The following PRDM16 variants were observed in gnomAD, a reference collection of about 807,000 sequenced individuals.
PRDM16 encodes the protein PR/SET domain 16, also known as histone-lysine N-methyltransferase PRDM16.
In PRDM16, 23 loss-of-function variants were observed where a neutral mutation model predicts 110.6. That is an observed-to-expected ratio of 0.21 (90% confidence interval 0.15 to 0.29). The LOEUF is 0.29. Among genes scored for constraint, PRDM16 ranks in the 10% least tolerant of loss-of-function variants. The pLI, the probability that PRDM16 is intolerant of heterozygous loss-of-function variation, is 1.00. For synonymous variants in PRDM16, 799 were observed against 781.8 expected (o/e 1.02, Z -0.37); for missense variants, 1,615 against 1,794.3 (o/e 0.90, Z 1.81).
At chr1:3,218,120 G>A (rs937341102) in intron 2 of PRDM16, among the ~76,000 whole-genome samples, 3 of 152,228 alleles carry the variant, frequency 2.0e-5, no homozygotes, top group African/African-American at 4.8e-5. Flanking sequence ...AAGAAGAGTC[G>A]CCTGCACTTA....
intron 1 of PRDM16, among the ~76,000 whole-genome samples, chr1:3,185,888 T>C (rs1278984800): frequency 6.6e-6 from 1 of 152,218 alleles, no homozygotes; most frequent in Non-Finnish European, 1.5e-5. Flanking sequence ...ATCAGAAATG[T>C]TGGCCCCAAA....
intron 1 of PRDM16, among the ~76,000 whole-genome samples, chr1:3,119,756 C>T (rs77093975): frequency 0.029 from 4,422 of 152,284 alleles, 106 homozygotes; most frequent in Non-Finnish European, 0.046. Flanking sequence ...TTTTTCTTCA[C>T]GTAAGCGGTG....
intron 2 of PRDM16, among the ~76,000 whole-genome samples, chr1:3,216,779 C>T (rs1004339031): frequency 2.6e-5 from 4 of 152,302 alleles, no homozygotes; most frequent in Admixed American, 6.5e-5. Context: ...TTGCAGAGGG[C>T]GGGGCTGTGG....
chr1:3,267,999 G>A (rs1007434159), intron 3 of PRDM16, among the ~76,000 whole-genome samples: 4 of 152,234 alleles, frequency 2.6e-5, no homozygotes, highest in African/African-American at 7.2e-5. Flanking sequence ...CAAGCAACGC[G>A]GGTGCAAAAC....
chr1:3,349,957 T>C (rs909378989), intron 3 of PRDM16, among the ~76,000 whole-genome samples: 8 of 140,972 alleles, frequency 5.7e-5, no homozygotes, highest in Non-Finnish European at 1.1e-4. Context: ...GCCTCTTCTG[T>C]GCCTAGCGGG....
chr1:3,407,448 G>A (rs55726144), intron 8 of PRDM16, among the ~76,000 whole-genome samples: 13,589 of 152,182 alleles, frequency 0.089, 705 homozygotes, highest in Non-Finnish European at 0.12. Flanking sequence ...GCCCGGCTCC[G>A]GCACCCCGAT....
chr1:3,121,528 C>T (rs751560505), intron 1 of PRDM16, among the ~76,000 whole-genome samples: 4 of 152,250 alleles, frequency 2.6e-5, no homozygotes, highest in South Asian at 2.1e-4. Flanking sequence ...CTCCGAACGT[C>T]GCCTGCCTCC....
At chr1:3,150,278 G>A (rs539972422) in intron 1 of PRDM16, among the ~76,000 whole-genome samples, 17 of 152,204 alleles carry the variant, frequency 1.1e-4, no homozygotes, top group Admixed American at 2.6e-4. Context: ...GTTTGGGGCC[G>A]GGCATAGTGG....
At chr1:3,225,401 T>C (rs1208513859) in intron 2 of PRDM16, among the ~76,000 whole-genome samples, 2 of 152,174 alleles carry the variant, frequency 1.3e-5, no homozygotes, top group East Asian at 1.9e-4. Context: ...CTACCTTTAG[T>C]GCGTGCCTGT....
At chr1:3,404,710 C>A (rs566975491) in intron 6 of PRDM16, 29 bp from the exon 7 acceptor site, 1 of 1,610,856 alleles carries the variant, frequency 6.2e-7, no homozygotes, top group African/African-American at 1.3e-5. Context: ...GGTAGTCGGG[C>A]CCCGCAGTGA....
At chr1:3,217,699 G>A (rs959884761) in intron 2 of PRDM16, among the ~76,000 whole-genome samples, 9 of 152,232 alleles carry the variant, frequency 5.9e-5, no homozygotes, top group Non-Finnish European at 1.3e-4. Flanking sequence ...CCAGGTCCCC[G>A]TGCCGTGCAT....
rs564688290 is a variant in PRDM16 at position 3,393,840 on chromosome 1, G to C, written c.574-2651G>C. Among the ~76,000 whole-genome samples, 3 of 152,186 alleles carry C rather than the reference G, an allele frequency of 2.0e-5. No individual in the cohort carries two copies. In the South Asian group the frequency reaches 6.2e-4, roughly 31 times the overall value. ...CCCCCGAAGCAGTTGGAGGCAGGTC[G>C]GGGACCCCCGCCCCCGCCCCGCCCC... On this transcript the variant is annotated intron_variant, in intron 4 of 16. Coordinates refer to ENST00000270722, the MANE Select transcript of PRDM16 (RefSeq NM_022114.4).
intron 3 of PRDM16, among the ~76,000 whole-genome samples, chr1:3,297,528 C>T (rs1570016940): frequency 6.6e-6 from 1 of 152,090 alleles, no homozygotes; most frequent in Non-Finnish European, 1.5e-5. Context: ...AGGTGATCCA[C>T]CCACCTCAGT....
intron 3 of PRDM16, among the ~76,000 whole-genome samples, chr1:3,258,851 T>G (rs927056574): frequency 3.3e-5 from 5 of 152,242 alleles, no homozygotes; most frequent in African/African-American, 1.2e-4. Flanking sequence ...GCCAGGGCTT[T>G]CTTCTTGCCT....
intron 3 of PRDM16, among the ~76,000 whole-genome samples, chr1:3,329,734 G>A (rs572233341): frequency 5.3e-5 from 8 of 152,352 alleles, no homozygotes; most frequent in East Asian, 1.9e-4. Flanking sequence ...ACATTCACAG[G>A]AGAGTGGGCA....
At position 3,290,086 on chromosome 1, in the gene PRDM16, GT is replaced by G. The variant is rs1289337580; in HGVS notation, c.438+45954del. ...AAAAGTGTGCTCGTGAGCGCAGGGTGTTTTTCCTGAATGAAAACTCACAGAG... is the reference window on the plus strand; with the variant it reads ...AAAAGTGTGCTCGTGAGCGCAGGGTGTTTTCCTGAATGAAAACTCACAGAG... On this transcript the variant is annotated intron_variant, in intron 3 of 16. Transcript: ENST00000270722. The surrounding 1 kb of genome is among the most constrained non-coding windows in gnomAD (Gnocchi z 4.8). Among the ~76,000 whole-genome samples the G allele has an allele frequency of 3.9e-5, 6 of 152,328 alleles. No homozygotes were observed. The East Asian group carries it at 1.2e-3, about 29-fold the overall frequency.
At position 3,081,490 on chromosome 1, in the gene PRDM16, G is replaced by A. The variant is rs1642028042; in HGVS notation, c.37+12194G>A. On this transcript the variant is annotated intron_variant, in intron 1 of 16. Coordinates refer to ENST00000270722, the MANE Select transcript of PRDM16 (RefSeq NM_022114.4). This position sits in a 1 kb window ranked among gnomAD's most constrained non-coding sequence, Gnocchi z 4.6. Reference sequence around the variant, plus strand: ...TGGCCGTGTGAGGAGCAGGGCTGAGGTGGGGAGAACGCCGACTTGCATTTT... The same window carrying A: ...TGGCCGTGTGAGGAGCAGGGCTGAGATGGGGAGAACGCCGACTTGCATTTT... 6.6e-6 allele frequency among the ~76,000 whole-genome samples: 1 copy of A among 152,194 alleles called. No homozygotes were observed. The highest frequency in any genetic ancestry group is 2.1e-4 in the South Asian group (1 of 4,838).
At chr1:3,299,290 T>C (rs560240549) in intron 3 of PRDM16, among the ~76,000 whole-genome samples, 2 of 148,278 alleles carry the variant, frequency 1.3e-5, no homozygotes, top group African/African-American at 5.0e-5. Flanking sequence ...GAAGATGCTA[T>C]GCTGTGGCCA....
intron 1 of PRDM16, among the ~76,000 whole-genome samples, chr1:3,087,874 T>C (rs1435861554): frequency 1.3e-5 from 2 of 152,132 alleles, no homozygotes; most frequent in African/African-American, 4.8e-5. Flanking sequence ...CACGTTTCTG[T>C]TTGTGCTCTG....
Sources: allele counts gnomAD v4.1 joint callset (sites outside exome capture counted in the v4.1 genomes callset), GRCh38; gene constraint gnomAD v4.1.1; non-coding constraint Gnocchi (gnomAD v3.1); transcripts MANE v1.5; gene names NCBI Gene and HGNC (gene_info 2026-07-23, HGNC 2026-07-21).